The following TNRC6B variants were observed in gnomAD, a reference collection of about 807,000 sequenced individuals.
The protein encoded by TNRC6B is trinucleotide repeat-containing gene 6B protein.
A neutral mutation model predicts 203.6 loss-of-function variants in TNRC6B; 52 were observed. That is an observed-to-expected ratio of 0.26 (90% confidence interval 0.20 to 0.32). TNRC6B has a LOEUF of 0.32. TNRC6B is among the 10% of genes least tolerant of loss of function. The pLI, the probability that TNRC6B is intolerant of heterozygous loss-of-function variation, is 1.00. For synonymous variants in TNRC6B, 838 were observed against 845.7 expected (o/e 0.99, Z 0.16); for missense variants, 1,923 against 2,286.2 (o/e 0.84, Z 3.24).
At chr22:40,290,511 G>A (rs565100174) in intron 12 of TNRC6B, among the ~76,000 whole-genome samples, 27 of 152,304 alleles carry the variant, frequency 1.8e-4, no homozygotes, top group African/African-American at 5.5e-4. Context: ...CTCCAGCCAA[G>A]TGGCCCCCAC....
chr22:40,299,349 C>T (rs1333799152), intron 12 of TNRC6B, among the ~76,000 whole-genome samples: 2 of 151,696 alleles, frequency 1.3e-5, no homozygotes, highest in South Asian at 2.1e-4. Context: ...AGGCAATTCT[C>T]CTGCCTCAGC....
At chr22:40,250,703 T>A (rs945477663) in intron 2 of TNRC6B, among the ~76,000 whole-genome samples, 2 of 152,106 alleles carry the variant, frequency 1.3e-5, no homozygotes, top group Non-Finnish European at 2.9e-5. Flanking sequence ...CAAGGTTTGG[T>A]TTTGAATCCT....
At chr22:40,297,168 G>A (rs537617372) in intron 12 of TNRC6B, among the ~76,000 whole-genome samples, 7 of 152,268 alleles carry the variant, frequency 4.6e-5, no homozygotes, top group Non-Finnish European at 8.8e-5. Flanking sequence ...TACTTTAACA[G>A]GCCGTTTGAC....
chr22:40,221,763 T>C lies in TNRC6B; in HGVS notation c.6-24252T>C, dbSNP rs1478854828. Among the ~76,000 whole-genome samples, 26 of 78,386 alleles carry C rather than the reference T, an allele frequency of 3.3e-4. 1 individual carries two copies. The highest frequency in any genetic ancestry group is 1.6e-3 in the East Asian group (1 of 616). 51.4% of individuals were successfully genotyped at this position (78,386 alleles called of 152,430 possible). ...CCACCTTCTTATTGCCCCCCCCCCTTTTTTTTTTTTGACTCCTGTCTACTT... is the reference window on the plus strand; with the variant it reads ...CCACCTTCTTATTGCCCCCCCCCCTCTTTTTTTTTTGACTCCTGTCTACTT... On this transcript the variant is annotated intron_variant, in intron 1 of 22. Coordinates refer to ENST00000454349, the MANE Select transcript of TNRC6B (RefSeq NM_001162501.2).
chr22:40,275,820 G>A (rs2070634265), intron 7 of TNRC6B, among the ~76,000 whole-genome samples: 1 of 152,098 alleles, frequency 6.6e-6, no homozygotes, highest in African/African-American at 2.4e-5. Context: ...TTAGCTGGGT[G>A]TGGTGGCAGG....
In TNRC6B at chr22:40,325,957, T is replaced by C. The variant is rs1285020443; in HGVS notation, c.*2716T>C. Reference sequence around the variant, plus strand: ...AAGACATAATGAGGGATTTGAAATATGTAAAAATAAACATGAGAAGCTAAA... The same window carrying C: ...AAGACATAATGAGGGATTTGAAATACGTAAAAATAAACATGAGAAGCTAAA... On this transcript the variant is annotated 3_prime_UTR_variant, in exon 23 of 23. Transcript: ENST00000454349. 2 of 151,982 alleles carry C rather than the reference T, an allele frequency of 1.3e-5. No homozygotes were observed. The highest frequency in any genetic ancestry group is 4.9e-5 in the African/African-American group (2 of 41,208). The allele number at this position is 151,982 out of a possible 1,614,324, so 9.4% of individuals were successfully genotyped here.
chr22:40,155,416 G>A (rs747882445), intron 3 of TNRC6B, among the ~76,000 whole-genome samples: 6 of 152,258 alleles, frequency 3.9e-5, no homozygotes, highest in Non-Finnish European at 5.9e-5. Flanking sequence ...AGCCTCCTGA[G>A]TAGCTGGGAC....
Position 40,265,188 on chromosome 22 carries a change from T to G in TNRC6B, c.958T>G (p.Ser320Ala). 6.2e-7 allele frequency: 1 copy of G among 1,613,972 alleles called. No homozygotes were observed. Among genetic ancestry groups the G allele is most frequent in the Non-Finnish European group, 8.5e-7 (1 of 1,179,880 alleles). The change falls in exon 5 of 23, where the codon TCT becomes GCT. Residue 320 changes from serine (S) to alanine (A), a missense_variant. Physicochemically the swap from Ser to Ala is moderately conservative, Grantham distance 99. Transcript: ENST00000454349. The stretch of plus-strand genomic sequence containing the variant: ...GCCAGCACTGGTCCAAGAAGGAACT[T>G]CTAGGAAAGGGGCATTGGAAACAGA... ...AWPALVQEGT[S>A]RKGALETDNS...
intron 21 of TNRC6B, among the ~76,000 whole-genome samples, chr22:40,319,633 C>A (rs2071309178): frequency 6.6e-6 from 1 of 152,016 alleles, no homozygotes; most frequent in Non-Finnish European, 1.5e-5. Context: ...ACCATGTTAG[C>A]CAGGATGGTC....
intron 3 of TNRC6B, among the ~76,000 whole-genome samples, chr22:40,254,676 A>G (rs143348415): frequency 4.2e-3 from 633 of 152,322 alleles, no homozygotes; most frequent in Non-Finnish European, 6.6e-3. Flanking sequence ...TCACAAGGTC[A>G]GGAGATCGAG....
chr22:40,333,549 G>A lies in TNRC6B; in HGVS notation c.*10308G>A, dbSNP rs146165923. The A allele has an allele frequency of 2.7e-4, 41 of 152,722 alleles. No homozygotes were observed. The highest frequency in any genetic ancestry group is 9.9e-4 in the African/African-American group (41 of 41,550). The allele number at this position is 152,722 out of a possible 1,614,324, so 9.5% of individuals were successfully genotyped here. A position where few individuals can be genotyped will look rare whatever the true frequency, so the allele number is the denominator to read the frequency against. ...TCAGACACACACATACACACCCCTT[G>A]AGTAACTCAGTATCATTTTGTAGTT... On this transcript the variant is annotated 3_prime_UTR_variant, in exon 23 of 23. Transcript: ENST00000454349.
At chr22:40,321,378 G>A (rs1206289898) in intron 22 of TNRC6B, 149 bp downstream of exon 22, 1 of 939,472 alleles carries the variant, frequency 1.1e-6, no homozygotes, top group East Asian at 2.7e-5. Flanking sequence ...AGTGTGGAGA[G>A]TGTGGAGGTG....
rs751584213 is a variant in TNRC6B, at chr22:40,301,122, T to C, written c.3937-28T>C. The C allele has an allele frequency of 1.9e-6, 3 of 1,553,094 alleles. No individual in the cohort carries two copies. The South Asian group carries it at 3.6e-5, about 18-fold the overall frequency. The stretch of plus-strand genomic sequence containing the variant: ...CCTGGGAAGTTCGGGGCCGTGCTTA[T>C]CACGTGTCTGTCTCTCTTGGCCCTC... On this transcript the variant is annotated intron_variant, in intron 14 of 22. Coordinates refer to ENST00000454349, the MANE Select transcript of TNRC6B (RefSeq NM_001162501.2).
intron 5 of TNRC6B, 88 bp from the exon 6 acceptor site, chr22:40,270,034 C>A: frequency 1.5e-6 from 2 of 1,296,064 alleles, no homozygotes; most frequent in South Asian, 1.4e-5. Flanking sequence ...AGAATATAGG[C>A]ATGCCTGTTC....
chr22:40,155,067 T>C (rs180853256), intron 3 of TNRC6B, among the ~76,000 whole-genome samples: 1 of 151,430 alleles, frequency 6.6e-6, no homozygotes, highest in East Asian at 1.9e-4. Flanking sequence ...TTCATTTTCA[T>C]GCAATATAGT....
intron 1 of TNRC6B, among the ~76,000 whole-genome samples, chr22:40,221,781 G>C (rs1475259144): frequency 7.9e-6 from 1 of 127,212 alleles, no homozygotes; most frequent in African/African-American, 3.0e-5. Context: ...TTTGACTCCT[G>C]TCTACTTTCC....
intron 1 of TNRC6B, among the ~76,000 whole-genome samples, chr22:40,191,005 A>G (rs1286580193): frequency 2.0e-5 from 3 of 152,256 alleles, no homozygotes; most frequent in Non-Finnish European, 4.4e-5. Context: ...GCAAACAGAC[A>G]GACACACAAT....
chr22:40,295,146 G>T (rs78767864), intron 12 of TNRC6B, among the ~76,000 whole-genome samples: 7,587 of 152,202 alleles, frequency 0.05, 290 homozygotes, highest in Non-Finnish European at 0.079. Flanking sequence ...CAGGAAACCT[G>T]AACTTGGTCA....
intron 3 of TNRC6B, among the ~76,000 whole-genome samples, chr22:40,260,947 T>G (rs1295418116): frequency 2.0e-5 from 3 of 152,214 alleles, no homozygotes; most frequent in Non-Finnish European, 4.4e-5. Context: ...GAGAAGTTAC[T>G]TTGTTAGAAT....
Sources: allele counts gnomAD v4.1 joint callset (sites outside exome capture counted in the v4.1 genomes callset), GRCh38; gene constraint gnomAD v4.1.1; transcripts MANE v1.5; gene names NCBI Gene and HGNC (gene_info 2026-07-23, HGNC 2026-07-21).